CFAP206: variants seen among roughly 807,000 people sequenced by gnomAD.
CFAP206 encodes the protein cilia- and flagella-associated protein 206.
In CFAP206, 53 loss-of-function variants were observed where a neutral mutation model predicts 65.4. The observed-to-expected ratio is 0.81, with a 90% CI of 0.65 to 1.02. The LOEUF (loss-of-function observed/expected upper bound fraction) is 1.02. Among genes scored for constraint, CFAP206 ranks in the 50% least tolerant of loss-of-function variants. The pLI, the probability that CFAP206 is intolerant of heterozygous loss-of-function variation, is 0.00. For missense variants in CFAP206, 663 were observed against 753.2 expected (o/e 0.88, Z 1.40); for synonymous variants, 250 against 254.4 (o/e 0.98, Z 0.17).
chr6:87,413,709 G>A (rs1767775320), intron 3 of CFAP206, 101 bp from the exon 4 acceptor site: 4 of 705,768 alleles, frequency 5.7e-6, no homozygotes, highest in African/African-American at 3.8e-5. Flanking sequence ...ATCAATATCA[G>A]GAACCACTGC....
intron 1 of CFAP206, chr6:87,408,471 G>A (rs1767666381): frequency 1.5e-5 from 2 of 131,424 alleles, no homozygotes; most frequent in African/African-American, 3.0e-5. Flanking sequence ...CACAGATCCG[G>A]AGCGCGCACA....
chr6:87,424,889 A>G (rs187644668), intron 7 of CFAP206, among the ~76,000 whole-genome samples: 1 of 152,350 alleles, frequency 6.6e-6, no homozygotes, highest in Non-Finnish European at 1.5e-5. Context: ...AATAAGCTAA[A>G]TACACACAAA....
chr6:87,421,519 G>C (rs1767941612), intron 7 of CFAP206, among the ~76,000 whole-genome samples: 1 of 152,056 alleles, frequency 6.6e-6, no homozygotes, highest in Non-Finnish European at 1.5e-5. Flanking sequence ...TATAGCCTGG[G>C]TAAGATAGTG....
In CFAP206 at chr6:87,456,215, A is replaced by G. The variant is rs554290284; in HGVS notation, c.1495-4807A>G. Among the ~76,000 whole-genome samples the G allele has an allele frequency of 5.3e-5, 8 of 152,330 alleles. No homozygotes were observed. The South Asian group carries it at 1.7e-3, about 32-fold the overall frequency. The stretch of plus-strand genomic sequence containing the variant: ...AGGATAGTTCAACATATGCAAATCA[A>G]TGTGATACATCATGTCAGCAGAATG... On this transcript the variant is annotated intron_variant, in intron 11 of 12. Transcript: ENST00000369562.
intron 7 of CFAP206, among the ~76,000 whole-genome samples, chr6:87,424,708 G>A (rs893583652): frequency 3.3e-5 from 5 of 152,038 alleles, no homozygotes; most frequent in Admixed American, 6.5e-5. Flanking sequence ...ACTTTTTTCT[G>A]TTTAATTTTT....
At position 87,454,439 on chromosome 6, in the gene CFAP206, C is replaced by A. The variant is rs138495121; in HGVS notation, c.1495-6583C>A. ...AGGCGACAGAATACATATTCTTTTC[C>A]TTAGCACATGGATCAGTCTCAAGGA... On this transcript the variant is annotated intron_variant, in intron 11 of 12. Coordinates refer to ENST00000369562, the MANE Select transcript of CFAP206 (RefSeq NM_001031743.3). 4.9e-3 allele frequency among the ~76,000 whole-genome samples: 750 copies of A among 152,278 alleles called. 1 individual carries two copies. The highest frequency in any genetic ancestry group is 0.017 in the African/African-American group (710 of 41,556).
At chr6:87,426,481 A>G (rs762414624) in intron 7 of CFAP206, 45 bp from the exon 8 acceptor site, 18 of 1,400,444 alleles carry the variant, frequency 1.3e-5, no homozygotes, top group Non-Finnish European at 1.7e-5. Flanking sequence ...TGATTTTTAT[A>G]GTAGAATTAT....
chr6:87,409,818 AT>A lies in CFAP206; in HGVS notation c.-5-15del. Reference sequence around the variant, plus strand: ...TAAAACCACGGTTTTTTTAAAAAAAATTGTTGTTTTATTTAGCCAGAATGCC... The same window carrying A: ...TAAAACCACGGTTTTTTTAAAAAAAATGTTGTTTTATTTAGCCAGAATGCC... On this transcript the variant is annotated splice_polypyrimidine_tract_variant and intron_variant, in intron 1 of 12. Coordinates refer to ENST00000369562, the MANE Select transcript of CFAP206 (RefSeq NM_001031743.3). The A allele has an allele frequency of 2.0e-6, 3 of 1,516,506 alleles. No individual in the cohort carries two copies. Among genetic ancestry groups the A allele is most frequent in the Middle Eastern group, 1.7e-4 (1 of 5,872 alleles). The allele number at this position is 1,516,506 out of a possible 1,614,324, so 93.9% of individuals were successfully genotyped here. A position where few individuals can be genotyped will look rare whatever the true frequency, so the allele number is the denominator to read the frequency against.
intron 11 of CFAP206, among the ~76,000 whole-genome samples, chr6:87,456,438 G>A (rs898519833): frequency 1.3e-5 from 2 of 152,102 alleles, no homozygotes; most frequent in African/African-American, 2.4e-5. Flanking sequence ...AAAAATGAAA[G>A]CCTTTCCTCT....
At chr6:87,415,939 A>C (rs1193846501) in intron 5 of CFAP206, 65 bp downstream of exon 5, 1 of 1,195,904 alleles carries the variant, frequency 8.4e-7, no homozygotes, top group African/African-American at 1.6e-5. Context: ...TTTATAAAAC[A>C]TGTTAAATTA....
At position 87,410,814 on chromosome 6, in the gene CFAP206, A is replaced by G. The variant is rs1767722849; in HGVS notation, c.192+146A>G. 6.2e-6 allele frequency: 4 copies of G among 646,850 alleles called. No homozygotes were observed. The South Asian group carries it at 8.1e-5, about 13-fold the overall frequency. The allele number at this position is 646,850 out of a possible 1,614,324, so 40.1% of individuals were successfully genotyped here. A position where few individuals can be genotyped will look rare whatever the true frequency, so the allele number is the denominator to read the frequency against. On this transcript the variant is annotated intron_variant, in intron 3 of 12. Transcript: ENST00000369562. ...ACGAGATATTTTTCTCATAACACAA[A>G]ATCTGGAGAGACATAGACCATTCTT...
chr6:87,461,129 G>A lies in CFAP206; in HGVS notation c.1602G>A (p.Trp534Ter), dbSNP rs1416832344. 1.3e-6 allele frequency: 2 copies of A among 1,572,570 alleles called. No homozygotes were observed. Among genetic ancestry groups the A allele is most frequent in the East Asian group, 2.4e-5 (1 of 42,008 alleles). Residue 534 changes from tryptophan to a stop codon, truncating the protein, a stop_gained, in exon 12 of 13, where the codon TGG (tryptophan) becomes TGA (stop). Coordinates refer to ENST00000369562, the MANE Select transcript of CFAP206 (RefSeq NM_001031743.3). LOFTEE classifies it high-confidence loss of function. ...LPPTIVRSYE[W>*]NEWELRRKAI... ...CAACGATTGTGAGATCATATGAGTG[G>A]AATGAATGGGAATTAAGAAGAAAAG...
Position 87,464,352 on chromosome 6 carries a change from C to G in CFAP206, c.*102C>G. On this transcript the variant is annotated 3_prime_UTR_variant, in exon 13 of 13. Coordinates refer to ENST00000369562, the MANE Select transcript of CFAP206 (RefSeq NM_001031743.3). ...ACAAATTAATTTTGTAGGGGTGGCA[C>G]ATTCATTGGTTGTGTGACTGTTTAT... 1 of 790,338 alleles carries G rather than the reference C, an allele frequency of 1.3e-6. No homozygotes were observed. The highest frequency in any genetic ancestry group is 1.9e-6 in the Non-Finnish European group (1 of 531,228). 49.0% of individuals were successfully genotyped at this position (790,338 alleles called of 1,614,324 possible).
intron 7 of CFAP206, among the ~76,000 whole-genome samples, chr6:87,423,329 A>G (rs1227120566): frequency 1.3e-5 from 2 of 150,838 alleles, no homozygotes; most frequent in Admixed American, 6.6e-5. Context: ...GCTCACTGCA[A>G]GCTCCGCCTC....
At chr6:87,453,173 C>A (rs188127308) in intron 11 of CFAP206, among the ~76,000 whole-genome samples, 1 of 151,658 alleles carries the variant, frequency 6.6e-6, no homozygotes, top group Non-Finnish European at 1.5e-5. Flanking sequence ...GAGAATGGCA[C>A]GACATACTTA....
chr6:87,438,457 T>C (rs9444498), intron 11 of CFAP206, among the ~76,000 whole-genome samples: 37,634 of 119,102 alleles, frequency 0.32, 5,369 homozygotes, highest in Admixed American at 0.44. Context: ...GAGACTCTTG[T>C]CTCAAAAAAA....
At chr6:87,422,762 AAC>A (rs1767965897) in intron 7 of CFAP206, among the ~76,000 whole-genome samples, 2 of 151,722 alleles carry the variant, frequency 1.3e-5, no homozygotes, top group Non-Finnish European at 1.5e-5. Context: ...AAAAAAAAAA[AAC>A]AAAACAAACA....
At position 87,415,712 on chromosome 6, in the gene CFAP206, G is replaced by A. The variant is rs1233881510; in HGVS notation, c.310G>A (p.Val104Ile). The change falls in exon 5 of 13, where the codon GTC becomes ATC. Residue 104 changes from valine (V) to isoleucine (I), a missense_variant. Val to Ile is a conservative substitution (Grantham distance 29). Transcript: ENST00000369562. Reference protein sequence around the residue: ...RVEFLEEHHRVLESRLGSVTR... With the variant: ...RVEFLEEHHRILESRLGSVTR... ...GGAATTTCTCGAAGAACATCACCGG[G>A]TCCTAGAGTCTAGATTAGGCTCTGT... The A allele has an allele frequency of 1.9e-6, 3 of 1,610,488 alleles. No homozygotes were observed. In the Admixed American group the frequency reaches 5.0e-5, roughly 27 times the overall value.
chr6:87,432,591 C>G (rs1768179186), intron 10 of CFAP206, among the ~76,000 whole-genome samples: 1 of 152,080 alleles, frequency 6.6e-6, no homozygotes, highest in Admixed American at 6.5e-5. Flanking sequence ...GGCTAGGGTT[C>G]AGAAGAGCCT....
Sources: gnomAD v4.1 joint callset for allele counts (sites outside exome capture counted in the v4.1 genomes callset) on GRCh38, gnomAD v4.1.1 for gene constraint, MANE v1.5 for transcripts, NCBI Gene and HGNC (gene_info 2026-07-23, HGNC 2026-07-21) for gene names.